PDE4D: variants seen among roughly 807,000 people sequenced by gnomAD.
PDE4D encodes the protein 3',5'-cyclic-AMP phosphodiesterase 4D.
PDE4D carries 24 observed loss-of-function variants against 87.4 expected under a neutral mutation model. That is an observed-to-expected ratio of 0.27 (90% CI 0.20 to 0.39). PDE4D has a LOEUF of 0.39. Ranked by LOEUF, PDE4D falls within the 10% of genes least tolerant of loss-of-function variation. The pLI is 1.00. For synonymous variants in PDE4D, 384 were observed against 383.2 expected, an observed-to-expected ratio of 1.00 and a Z score of -0.02; for missense variants, 714 against 1,041.0, an observed-to-expected ratio of 0.69 and a Z score of 4.32.
chr5:59,577,476 A>G (rs1454648660), intron 1 of PDE4D, among the ~76,000 whole-genome samples: 1 of 152,168 alleles, frequency 6.6e-6, no homozygotes, highest in Admixed American at 6.6e-5. Context: ...AGAAATGAGT[A>G]AATTAACTAG....
intron 1 of PDE4D, among the ~76,000 whole-genome samples, chr5:59,227,518 C>T (rs1754067588): frequency 6.6e-6 from 1 of 151,872 alleles, no homozygotes; most frequent in African/African-American, 2.4e-5. Context: ...AGTCTAATAC[C>T]CAGAATCTAC....
intron 1 of PDE4D, among the ~76,000 whole-genome samples, chr5:59,839,852 A>G (rs539518034): frequency 6.6e-6 from 1 of 152,210 alleles, no homozygotes; most frequent in South Asian, 2.1e-4. Context: ...AGTGCCCACT[A>G]CAAGGAGAGG....
At chr5:59,956,327 T>C (rs1758826898) in intron 3 of PDE4D, among the ~76,000 whole-genome samples, 1 of 152,174 alleles carries the variant, frequency 6.6e-6, no homozygotes, top group South Asian at 2.1e-4. Flanking sequence ...ACTCAGACTC[T>C]CTGGCTGCCC....
At chr5:60,075,997 A>G (rs1377259462) in intron 2 of PDE4D, among the ~76,000 whole-genome samples, 3 of 151,938 alleles carry the variant, frequency 2.0e-5, no homozygotes, top group African/African-American at 7.3e-5. Flanking sequence ...TATATTTTGA[A>G]TTTTATTTCT....
intron 2 of PDE4D, among the ~76,000 whole-genome samples, chr5:60,120,827 T>G (rs1363028082): frequency 6.6e-6 from 1 of 152,280 alleles, no homozygotes. Context: ...AGTGTCAACT[T>G]GATTAGATTG....
At chr5:59,632,818 T>C (rs1056681658) in intron 1 of PDE4D, among the ~76,000 whole-genome samples, 2 of 152,110 alleles carry the variant, frequency 1.3e-5, no homozygotes, top group African/African-American at 4.8e-5. Flanking sequence ...AAAAACAGAA[T>C]GCCTCTTCTT....
chr5:59,279,052 T>C (rs894678067), intron 1 of PDE4D, among the ~76,000 whole-genome samples: 1 of 152,166 alleles, frequency 6.6e-6, no homozygotes, highest in Non-Finnish European at 1.5e-5. Context: ...CAAGTATTAC[T>C]ATTTTCAAAT....
chr5:59,779,855 T>A (rs527634049), intron 1 of PDE4D, among the ~76,000 whole-genome samples: 1 of 152,250 alleles, frequency 6.6e-6, no homozygotes, highest in African/African-American at 2.4e-5. Context: ...GAAGTAGGAT[T>A]AACTGATAAG....
At chr5:59,629,973 A>G (rs1831360948) in intron 1 of PDE4D, among the ~76,000 whole-genome samples, 1 of 152,228 alleles carries the variant, frequency 6.6e-6, no homozygotes, top group Non-Finnish European at 1.5e-5. Context: ...AATGACAATG[A>G]AACAATTAAT....
chr5:60,036,388 T>C (rs1767802006), intron 2 of PDE4D, among the ~76,000 whole-genome samples: 1 of 152,204 alleles, frequency 6.6e-6, no homozygotes, highest in Non-Finnish European at 1.5e-5. Flanking sequence ...TTTACAATAA[T>C]TCCTGTATCA....
At chr5:59,084,676 C>T (rs1767359847) in intron 5 of PDE4D, among the ~76,000 whole-genome samples, 1 of 151,846 alleles carries the variant, frequency 6.6e-6, no homozygotes, top group Non-Finnish European at 1.5e-5. Flanking sequence ...CACTTGAGTC[C>T]AGGAGTTTGA....
chr5:59,680,406 C>T (rs768189877), intron 1 of PDE4D, among the ~76,000 whole-genome samples: 2 of 152,022 alleles, frequency 1.3e-5, no homozygotes, highest in Non-Finnish European at 2.9e-5. Context: ...TTAAATGGTG[C>T]TAGAGATTTC....
chr5:60,501,182 G>T (rs1750057019), intron 1 of PDE4D, among the ~76,000 whole-genome samples: 1 of 151,946 alleles, frequency 6.6e-6, no homozygotes, highest in South Asian at 2.1e-4. Flanking sequence ...CCCAGAGTGT[G>T]ATGTTCCCCT....
chr5:59,086,944 C>G (rs1383643304), intron 5 of PDE4D, among the ~76,000 whole-genome samples: 1 of 152,042 alleles, frequency 6.6e-6, no homozygotes, highest in African/African-American at 2.4e-5. Context: ...TTTCCCCTGC[C>G]TACTCCAATT....
intron 1 of PDE4D, among the ~76,000 whole-genome samples, chr5:60,322,893 G>A (rs1030195457): frequency 1.3e-5 from 2 of 152,122 alleles, no homozygotes; most frequent in South Asian, 4.1e-4. Flanking sequence ...TGACTTCCAT[G>A]TCAATAACTC....
chr5:59,390,591 AAG>A (rs1220771163), intron 1 of PDE4D, among the ~76,000 whole-genome samples: 1 of 152,164 alleles, frequency 6.6e-6, no homozygotes, highest in African/African-American at 2.4e-5. Flanking sequence ...TTTTATATCC[AAG>A]AGTTTCATAT....
At chr5:60,148,822 G>T (rs1781242428) in intron 2 of PDE4D, among the ~76,000 whole-genome samples, 1 of 152,120 alleles carries the variant, frequency 6.6e-6, no homozygotes, top group South Asian at 2.1e-4. Context: ...AAAGAGTTTT[G>T]AATAGAACAT....
At chr5:59,015,397 A>G (rs528000742) in intron 6 of PDE4D, among the ~76,000 whole-genome samples, 23 of 152,334 alleles carry the variant, frequency 1.5e-4, no homozygotes, top group Admixed American at 1.4e-3. Context: ...TAATATCCAG[A>G]ATCTACAAAG....
intron 1 of PDE4D, among the ~76,000 whole-genome samples, chr5:60,402,387 C>A (rs1205478991): frequency 6.6e-6 from 1 of 152,212 alleles, no homozygotes; most frequent in Admixed American, 6.5e-5. Context: ...CTACATGGAA[C>A]AGCTGTGAGT....
Sources: gnomAD v4.1 joint callset for allele counts (sites outside exome capture counted in the v4.1 genomes callset) on GRCh38, gnomAD v4.1.1 for gene constraint, MANE v1.5 for transcripts, NCBI Gene and HGNC (gene_info 2026-07-23, HGNC 2026-07-21) for gene names.